Variants in CMIP observed in about 807,000 individuals in gnomAD.
The protein encoded by CMIP is c-Maf inducing protein.
CMIP carries 13 observed loss-of-function variants against 97.3 expected under a neutral mutation model. That is an observed-to-expected ratio of 0.13 (90% confidence interval 0.09 to 0.21). The LOEUF (loss-of-function observed/expected upper bound fraction) is 0.21. Among genes scored for constraint, CMIP ranks in the 10% least tolerant of loss-of-function variants. The pLI, the probability that CMIP is intolerant of heterozygous loss-of-function variation, is 1.00. For missense variants in CMIP, 847 were observed against 1,024.9 expected, an observed-to-expected ratio of 0.83 and a Z score of 2.37; for synonymous variants, 538 against 436.3, an observed-to-expected ratio of 1.23 and a Z score of -2.91.
intron 1 of CMIP, among the ~76,000 whole-genome samples, chr16:81,569,740 T>C (rs2091049873): frequency 6.6e-6 from 1 of 152,258 alleles, no homozygotes; most frequent in Non-Finnish European, 1.5e-5. Context: ...TGGAAAGAGC[T>C]GGCTTAGCCA....
intron 4 of CMIP, among the ~76,000 whole-genome samples, chr16:81,654,731 G>A (rs76453213): frequency 0.046 from 6,982 of 152,316 alleles, 215 homozygotes; most frequent in South Asian, 0.083. Context: ...GTGCTGAGAG[G>A]TTAAGTAGCT....
chr16:81,472,889 G>C (rs1304392691), intron 1 of CMIP, among the ~76,000 whole-genome samples: 1 of 152,194 alleles, frequency 6.6e-6, no homozygotes, highest in Non-Finnish European at 1.5e-5. Context: ...ACTTTGTCCT[G>C]TTCCTTTCGG....
intron 1 of CMIP, among the ~76,000 whole-genome samples, chr16:81,589,869 A>G (rs1300718628): frequency 6.6e-6 from 1 of 152,232 alleles, no homozygotes; most frequent in Non-Finnish European, 1.5e-5. Flanking sequence ...GAAAAATATA[A>G]GTAAAACGAC....
chr16:81,629,040 G>A (rs1424818963), intron 3 of CMIP, among the ~76,000 whole-genome samples: 1 of 143,030 alleles, frequency 7.0e-6, no homozygotes, highest in Non-Finnish European at 1.5e-5. Context: ...GGAGGCTGAA[G>A]CATGAGAATC....
chr16:81,602,496 G>C (rs1359908719), intron 1 of CMIP, among the ~76,000 whole-genome samples: 1 of 152,230 alleles, frequency 6.6e-6, no homozygotes. Flanking sequence ...AGATCTGTGA[G>C]TTCTGACAAA....
At chr16:81,549,421 C>T (rs1042127115) in intron 1 of CMIP, among the ~76,000 whole-genome samples, 3 of 152,176 alleles carry the variant, frequency 2.0e-5, no homozygotes, top group African/African-American at 4.8e-5. Flanking sequence ...AGCCGAGGGC[C>T]GTTGGGAAAT....
At chr16:81,468,847 C>A (rs1001191205) in intron 1 of CMIP, among the ~76,000 whole-genome samples, 2 of 152,300 alleles carry the variant, frequency 1.3e-5, no homozygotes, top group South Asian at 2.1e-4. Flanking sequence ...CCTGGTGAGG[C>A]CTGGCACACG....
At chr16:81,588,104 G>A (rs2091411691) in intron 1 of CMIP, among the ~76,000 whole-genome samples, 1 of 152,134 alleles carries the variant, frequency 6.6e-6, no homozygotes, top group African/African-American at 2.4e-5. Context: ...TCAGAGCTGA[G>A]ACACTGTGTG....
At chr16:81,597,532 G>A (rs1450027413) in intron 1 of CMIP, among the ~76,000 whole-genome samples, 1 of 151,666 alleles carries the variant, frequency 6.6e-6, no homozygotes, top group Non-Finnish European at 1.5e-5. Context: ...GCAGGATTGT[G>A]GGATTAAGGG....
chr16:81,453,918 A>C lies in CMIP; in HGVS notation c.300+8377A>C, dbSNP rs116358117. Among the ~76,000 whole-genome samples the C allele has an allele frequency of 6.6e-6, 1 of 152,192 alleles. No individual in the cohort carries two copies. Among genetic ancestry groups the C allele is most frequent in the Non-Finnish European group, 1.5e-5 (1 of 68,038 alleles). On this transcript the variant is annotated intron_variant, in intron 1 of 20. Transcript: ENST00000537098. The surrounding 1 kb of genome is among the most constrained non-coding windows in gnomAD (Gnocchi z 4.0). ...GGAGTGCAGGGGAAGACTTGGGAACATGGTTTACATGTGCGTCTGGGAGGA... is the reference window on the plus strand; with the variant it reads ...GGAGTGCAGGGGAAGACTTGGGAACCTGGTTTACATGTGCGTCTGGGAGGA...
chr16:81,661,542 A>T (rs2151020742), intron 6 of CMIP, among the ~76,000 whole-genome samples: 1 of 151,610 alleles, frequency 6.6e-6, no homozygotes, highest in Non-Finnish European at 1.5e-5. Flanking sequence ...TGTTCTCAGC[A>T]CTCCCCTGTC....
chr16:81,670,050 T>A, intron 7 of CMIP, 92 bp from the exon 8 acceptor site: 6 of 1,227,996 alleles, frequency 4.9e-6, no homozygotes, highest in Non-Finnish European at 6.9e-6. Flanking sequence ...CAGGCAGAGC[T>A]CGGTCCCGCC....
At chr16:81,708,212 A>C (rs1908367435) in intron 20 of CMIP, among the ~76,000 whole-genome samples, 1 of 152,208 alleles carries the variant, frequency 6.6e-6, no homozygotes, top group Non-Finnish European at 1.5e-5. Flanking sequence ...TATGGGACAC[A>C]GAAGGTGGCA....
At chr16:81,468,184 G>T (rs188029830) in intron 1 of CMIP, among the ~76,000 whole-genome samples, 3 of 152,312 alleles carry the variant, frequency 2.0e-5, no homozygotes, top group African/African-American at 7.2e-5. Flanking sequence ...GCTTTCCTGG[G>T]CAGGGGCCAG....
In CMIP at chr16:81,704,038, C is replaced by G; in HGVS notation, c.2044C>G (p.Leu682Val). The G allele has an allele frequency of 6.2e-7, 1 of 1,606,142 alleles. No individual in the cohort carries two copies. The stretch of plus-strand genomic sequence containing the variant: ...TGTAACCAGTGCCTGCGCCGAGCAC[C>G]TCATCAAACTGCCTTCGCTCAAGCA... ...TNVTSACAEH[L>V]IKLPSLKQLN... Residue 682 changes from leucine (L) to valine (V), a missense_variant, in exon 18 of 21, where the codon CTC becomes GTC. Coordinates refer to ENST00000537098, the MANE Select transcript of CMIP (RefSeq NM_198390.3).
intron 13 of CMIP, among the ~76,000 whole-genome samples, chr16:81,694,139 C>T (rs1025731076): frequency 1.3e-4 from 20 of 152,190 alleles, no homozygotes; most frequent in African/African-American, 4.8e-4. Context: ...CTGTGAGTGT[C>T]TTCTATAGTA....
chr16:81,662,923 C>T (rs2092563238), intron 6 of CMIP, among the ~76,000 whole-genome samples: 1 of 152,184 alleles, frequency 6.6e-6, no homozygotes, highest in South Asian at 2.1e-4. Flanking sequence ...ACCCAATTTC[C>T]AAGGTCTTTC....
At chr16:81,551,150 C>T (rs906960968) in intron 1 of CMIP, among the ~76,000 whole-genome samples, 2 of 151,254 alleles carry the variant, frequency 1.3e-5, no homozygotes, top group South Asian at 4.2e-4. Flanking sequence ...CCATCACACA[C>T]ACCCCAGTTC....
intron 1 of CMIP, chr16:81,607,089 A>G (rs1478815241): frequency 6.4e-6 from 1 of 157,150 alleles, no homozygotes; most frequent in Non-Finnish European, 1.4e-5. Context: ...CCATTGAAGA[A>G]TGTTGAGGAG....
Sources: gnomAD v4.1 joint callset for allele counts (sites outside exome capture counted in the v4.1 genomes callset) on GRCh38, gnomAD v4.1.1 for gene constraint, Gnocchi (gnomAD v3.1) non-coding constraint, MANE v1.5 for transcripts, NCBI Gene and HGNC (gene_info 2026-07-23, HGNC 2026-07-21) for gene names.